TRHDE: variants seen among roughly 807,000 people sequenced by gnomAD.
TRHDE encodes thyrotropin-releasing hormone-degrading ectoenzyme.
A neutral mutation model predicts 125.7 loss-of-function variants in TRHDE; 72 were observed. That is an observed-to-expected ratio of 0.57 (90% CI 0.47 to 0.70). The LOEUF is 0.70. Ranked by LOEUF, TRHDE falls within the 30% of genes least tolerant of loss-of-function variation. The pLI, the probability that TRHDE is intolerant of heterozygous loss-of-function variation, is 0.00. For synonymous variants in TRHDE, 509 were observed against 509.1 expected (o/e 1.00, Z 0.00); for missense variants, 1,110 against 1,327.1 (o/e 0.84, Z 2.54).
chr12:72,480,222 C>T (rs1163925037), intron 5 of TRHDE, among the ~76,000 whole-genome samples: 3 of 150,472 alleles, frequency 2.0e-5, no homozygotes, highest in Admixed American at 6.6e-5. Flanking sequence ...GTTCTAGATC[C>T]CTGAGGAATC....
At chr12:72,576,575 T>A (rs1871005444) in intron 12 of TRHDE, among the ~76,000 whole-genome samples, 1 of 152,040 alleles carries the variant, frequency 6.6e-6, no homozygotes, top group Non-Finnish European at 1.5e-5. Flanking sequence ...ATTACAGAGA[T>A]TGATTTTTGT....
At chr12:72,645,421 A>G (rs1346924335) in intron 15 of TRHDE, among the ~76,000 whole-genome samples, 1 of 152,186 alleles carries the variant, frequency 6.6e-6, no homozygotes, top group Admixed American at 6.5e-5. Context: ...TTTACTTAAA[A>G]GAGCAAAAAT....
At chr12:72,569,262 A>G (rs150653782) in intron 10 of TRHDE, among the ~76,000 whole-genome samples, 15 of 152,300 alleles carry the variant, frequency 9.8e-5, no homozygotes, top group African/African-American at 3.6e-4. Context: ...CTTGAATCCA[A>G]ACTATAGCCT....
intron 9 of TRHDE, 84 bp downstream of exon 9, chr12:72,563,124 A>C (rs1231229655): frequency 9.8e-7 from 1 of 1,023,154 alleles, no homozygotes; most frequent in African/African-American, 1.7e-5. Context: ...TTAATAACAA[A>C]ATTCTGAAAT....
chr12:72,120,832 C>T (rs1364712097), intron 2 of TRHDE, among the ~76,000 whole-genome samples: 2 of 151,906 alleles, frequency 1.3e-5, no homozygotes, highest in Non-Finnish European at 2.9e-5. Context: ...GCGTGTGCCA[C>T]CACGCCCGGC....
chr12:72,574,296 G>A (rs930105675), intron 10 of TRHDE, among the ~76,000 whole-genome samples: 2 of 152,048 alleles, frequency 1.3e-5, no homozygotes, highest in Non-Finnish European at 2.9e-5. Context: ...TTTCTGTGAT[G>A]CCTTTTATGG....
chr12:72,319,917 C>T (rs1308629148), intron 2 of TRHDE, among the ~76,000 whole-genome samples: 1 of 151,942 alleles, frequency 6.6e-6, no homozygotes, highest in Admixed American at 6.6e-5. Flanking sequence ...TTTGTACTGA[C>T]TGCTAGGAAG....
At chr12:72,480,627 T>G (rs60979289) in intron 5 of TRHDE, among the ~76,000 whole-genome samples, 2,871 of 152,208 alleles carry the variant, frequency 0.019, 84 homozygotes, top group African/African-American at 0.066. Context: ...ACCAGTAACT[T>G]TACAGCATTA....
chr12:72,540,380 T>C (rs1869085215), intron 6 of TRHDE, among the ~76,000 whole-genome samples: 1 of 151,790 alleles, frequency 6.6e-6, no homozygotes, highest in African/African-American at 2.4e-5. Flanking sequence ...CTCTCCAGCT[T>C]AATTCAGACA....
rs971017525 is a variant in TRHDE, at chr12:72,602,112, CTGCTT to C, written c.2322-16776_2322-16772del. Reference sequence around the variant, plus strand: ...TCTGAAGGACCGTTTTTTGTTTGTTCTGCTTTGATTTTTAAGGACACTTAGTTGAA... The same window carrying C: ...TCTGAAGGACCGTTTTTTGTTTGTTCTGATTTTTAAGGACACTTAGTTGAA... On this transcript the variant is annotated intron_variant, in intron 12 of 18. Coordinates refer to ENST00000261180, the MANE Select transcript of TRHDE (RefSeq NM_013381.3). Among the ~76,000 whole-genome samples the C allele has an allele frequency of 1.6e-4, 25 of 152,138 alleles. No homozygotes were observed. The South Asian group carries it at 4.2e-3, about 25-fold the overall frequency.
chr12:72,193,829 A>G (rs1877385067), intron 2 of TRHDE, among the ~76,000 whole-genome samples: 1 of 152,090 alleles, frequency 6.6e-6, no homozygotes, highest in Non-Finnish European at 1.5e-5. Context: ...TTTGGATAAT[A>G]ATTTTTTCAA....
In TRHDE at chr12:72,272,770, G is replaced by T. The variant is rs376186461; in HGVS notation, c.127G>T (p.Ala43Ser). 150 of 1,545,330 alleles carry T rather than the reference G, an allele frequency of 9.7e-5. No homozygotes were observed. In the African/African-American group the frequency reaches 1.9e-3, roughly 19 times the overall value. The change falls in exon 1 of 19, where the codon GCA becomes TCA. Residue 43 changes from alanine (A) to serine (S), a missense_variant. By Grantham distance (99) the Ala-to-Ser change is moderately conservative. Transcript: ENST00000261180. The surrounding 1 kb of genome is among the most constrained non-coding windows in gnomAD (Gnocchi z 6.7). ...EGAEKSSSPF[A>S]AAMGEDDAAL... is the part of the protein sequence containing the mutation. Reference sequence around the variant, plus strand: ...GGCCGAGAAGAGCAGCTCACCCTTCGCAGCCGCGATGGGGGAAGACGACGC... The same window carrying T: ...GGCCGAGAAGAGCAGCTCACCCTTCTCAGCCGCGATGGGGGAAGACGACGC...
chr12:72,495,191 T>G (rs895614420), intron 5 of TRHDE, among the ~76,000 whole-genome samples: 1 of 151,662 alleles, frequency 6.6e-6, no homozygotes, highest in African/African-American at 2.4e-5. Flanking sequence ...GTTGAATTTT[T>G]TTCATTCAAA....
chr12:72,475,729 A>G (rs1391332615), intron 5 of TRHDE, among the ~76,000 whole-genome samples: 1 of 152,244 alleles, frequency 6.6e-6, no homozygotes, highest in Non-Finnish European at 1.5e-5. Context: ...TGAGTCAGAT[A>G]TAAGATTTGA....
intron 7 of TRHDE, among the ~76,000 whole-genome samples, chr12:72,553,735 A>AC (rs775716626): frequency 3.4e-5 from 5 of 148,760 alleles, no homozygotes; most frequent in Non-Finnish European, 5.9e-5. Context: ...GCTCCACCAC[A>AC]CCCCCCACCC....
At chr12:72,304,071 G>A (rs1465140189) in intron 2 of TRHDE, among the ~76,000 whole-genome samples, 4 of 152,160 alleles carry the variant, frequency 2.6e-5, no homozygotes, top group East Asian at 1.9e-4. Context: ...CACATAGCTC[G>A]TGGATGTTAG....
chr12:72,462,904 C>T (rs1240188817), intron 3 of TRHDE, among the ~76,000 whole-genome samples: 1 of 152,180 alleles, frequency 6.6e-6, no homozygotes, highest in Non-Finnish European at 1.5e-5. Context: ...TGTTAGTCTC[C>T]TTCTCTGCTG....
At chr12:72,502,729 C>T (rs1405636071) in intron 6 of TRHDE, among the ~76,000 whole-genome samples, 2 of 152,144 alleles carry the variant, frequency 1.3e-5, no homozygotes, top group Non-Finnish European at 2.9e-5. Context: ...TCCACTTATT[C>T]ATCATGCTTT....
At chr12:72,321,410 A>C (rs1278062863) in intron 2 of TRHDE, among the ~76,000 whole-genome samples, 1 of 152,156 alleles carries the variant, frequency 6.6e-6, no homozygotes, top group Non-Finnish European at 1.5e-5. Context: ...TTAGTTCCAA[A>C]TTTAAAAAGA....
Sources: allele counts gnomAD v4.1 joint callset (sites outside exome capture counted in the v4.1 genomes callset), GRCh38; gene constraint gnomAD v4.1.1; non-coding constraint Gnocchi (gnomAD v3.1); transcripts MANE v1.5; gene names NCBI Gene and HGNC (gene_info 2026-07-23, HGNC 2026-07-21).